The following FBXL17 variants were observed in gnomAD, a reference collection of about 807,000 sequenced individuals.
The protein encoded by FBXL17 is F-box/LRR-repeat protein 17.
Under a neutral mutation model 66.2 loss-of-function variants are expected in FBXL17, and 22 were observed. The observed-to-expected ratio is 0.33, with a 90% CI of 0.24 to 0.47. The LOEUF (loss-of-function observed/expected upper bound fraction) is 0.47, where lower values mean the gene tolerates loss of function less well. Ranked by LOEUF, FBXL17 falls within the 20% of genes least tolerant of loss-of-function variation. The probability of loss-of-function intolerance (pLI) is 1.00; values close to 1 mark genes in which losing one functional copy is unlikely to be tolerated. For synonymous variants in FBXL17, 474 were observed against 400.5 expected (o/e 1.18, Z -2.19); for missense variants, 878 against 948.2 (o/e 0.93, Z 0.97).
chr5:107,954,031 A>G (rs1352360316), intron 7 of FBXL17, among the ~76,000 whole-genome samples: 5 of 152,226 alleles, frequency 3.3e-5, no homozygotes, highest in African/African-American at 1.2e-4. Flanking sequence ...TACTCAATAA[A>G]TTCTCACTGT....
At chr5:107,997,963 A>G (rs1002787467) in intron 7 of FBXL17, among the ~76,000 whole-genome samples, 3 of 152,240 alleles carry the variant, frequency 2.0e-5, no homozygotes, top group African/African-American at 7.2e-5. Context: ...GAGTTTTAAC[A>G]CTACAGAAGG....
Position 108,376,156 on chromosome 5 carries a change from C to A in FBXL17, c.993+4543G>T, listed in dbSNP as rs367840892. Among the ~76,000 whole-genome samples the A allele has an allele frequency of 1.7e-4, 26 of 152,302 alleles. No individual in the cohort carries two copies. The East Asian group carries it at 4.4e-3, about 26-fold the overall frequency. ...CCTGAGAAAGAGCATCTACCAATAA[C>A]CCCTAGTTATCATTATACTTAATGG... On this transcript the variant is annotated intron_variant, in intron 1 of 8. Transcript: ENST00000542267.
At chr5:108,301,640 T>C (rs923921403) in intron 4 of FBXL17, among the ~76,000 whole-genome samples, 1 of 151,750 alleles carries the variant, frequency 6.6e-6, no homozygotes, top group African/African-American at 2.4e-5. Context: ...ACTGGACAAA[T>C]AACACTTATT....
rs116029942 is a variant in FBXL17, at chr5:108,049,938, C to T, written c.1746-28937G>A. On this transcript the variant is annotated intron_variant, in intron 6 of 8. Transcript: ENST00000542267. ...AAAATAAAAGGCAGGGATTGGAATCCAAGTCTCTGACAAAACAGACTTCAA... is the reference window on the plus strand; with the variant it reads ...AAAATAAAAGGCAGGGATTGGAATCTAAGTCTCTGACAAAACAGACTTCAA... Among the ~76,000 whole-genome samples the T allele has an allele frequency of 3.6e-3, 551 of 152,246 alleles. 5 individuals are homozygous for T. The highest frequency in any genetic ancestry group is 0.014 in the Middle Eastern group (4 of 294).
intron 8 of FBXL17, among the ~76,000 whole-genome samples, chr5:107,869,547 T>C (rs1385857227): frequency 2.0e-5 from 3 of 152,092 alleles, no homozygotes; most frequent in African/African-American, 7.2e-5. Flanking sequence ...AAAGAGCAGA[T>C]GATATATTGA....
At chr5:108,158,855 G>C (rs900592547) in intron 6 of FBXL17, among the ~76,000 whole-genome samples, 2 of 152,030 alleles carry the variant, frequency 1.3e-5, no homozygotes, top group Non-Finnish European at 2.9e-5. Flanking sequence ...TAAGACAATA[G>C]CATCTGGAAG....
chr5:107,988,366 T>C (rs1242389653), intron 7 of FBXL17, among the ~76,000 whole-genome samples: 1 of 151,992 alleles, frequency 6.6e-6, no homozygotes, highest in Non-Finnish European at 1.5e-5. Context: ...ATTAAAATTT[T>C]TTTTCAATCA....
intron 7 of FBXL17, among the ~76,000 whole-genome samples, chr5:107,959,074 C>A (rs1219402875): frequency 6.6e-6 from 1 of 152,034 alleles, no homozygotes; most frequent in African/African-American, 2.4e-5. Context: ...CATCAGAGGG[C>A]CTTCTCTTAC....
intron 6 of FBXL17, among the ~76,000 whole-genome samples, chr5:108,155,642 G>T (rs1751966621): frequency 6.6e-6 from 1 of 152,164 alleles, no homozygotes; most frequent in South Asian, 2.1e-4. Flanking sequence ...TGCTTAGTAA[G>T]AATTTATTTT....
chr5:108,233,469 T>C (rs1341867902), intron 4 of FBXL17, among the ~76,000 whole-genome samples: 1 of 152,134 alleles, frequency 6.6e-6, no homozygotes, highest in Non-Finnish European at 1.5e-5. Flanking sequence ...AGAGAAAATG[T>C]GACTCAGGAT....
At chr5:108,103,449 T>C (rs1409655891) in intron 6 of FBXL17, among the ~76,000 whole-genome samples, 1 of 152,210 alleles carries the variant, frequency 6.6e-6, no homozygotes, top group Non-Finnish European at 1.5e-5. Flanking sequence ...TTAAAAATAA[T>C]CTTTTGGTCA....
At chr5:108,191,615 T>G (rs1753473192) in intron 5 of FBXL17, among the ~76,000 whole-genome samples, 1 of 152,220 alleles carries the variant, frequency 6.6e-6, no homozygotes, top group Admixed American at 6.5e-5. Flanking sequence ...TTGGCAAATC[T>G]GAGCTATTTT....
At chr5:108,021,711 G>C (rs760692679) in intron 6 of FBXL17, among the ~76,000 whole-genome samples, 2 of 151,350 alleles carry the variant, frequency 1.3e-5, no homozygotes, top group African/African-American at 4.9e-5. Flanking sequence ...ATACAGATTC[G>C]AATGAACTTT....
chr5:108,206,584 A>T (rs941021350), intron 5 of FBXL17, among the ~76,000 whole-genome samples: 4 of 152,082 alleles, frequency 2.6e-5, no homozygotes, highest in Non-Finnish European at 5.9e-5. Context: ...TTGTAACTTG[A>T]CAATCATTTG....
chr5:108,248,696 A>G (rs1580688349), intron 4 of FBXL17, among the ~76,000 whole-genome samples: 1 of 152,302 alleles, frequency 6.6e-6, no homozygotes, highest in South Asian at 2.1e-4. Flanking sequence ...TAATCCTGAA[A>G]GCAGTAAGAT....
chr5:108,092,429 A>G (rs1749221282), intron 6 of FBXL17, among the ~76,000 whole-genome samples: 1 of 151,856 alleles, frequency 6.6e-6, no homozygotes, highest in South Asian at 2.1e-4. Flanking sequence ...CCCGAGTAGG[A>G]ACTATGGTTC....
rs1754581608 is a variant in FBXL17 at position 108,021,093 on chromosome 5, T to C, written c.1746-92A>G. Reference sequence around the variant, plus strand: ...TAGGAAGAGGTCAGTATTTGGTGAATGCCACAGCTTCTTTAATGGTGTTTC... The same window carrying C: ...TAGGAAGAGGTCAGTATTTGGTGAACGCCACAGCTTCTTTAATGGTGTTTC... On this transcript the variant is annotated intron_variant, in intron 6 of 8. Transcript: ENST00000542267. 3 of 829,402 alleles carry C rather than the reference T, an allele frequency of 3.6e-6. No homozygotes were observed. In the Admixed American group the frequency reaches 5.8e-5, roughly 16 times the overall value. The allele number at this position is 829,402 out of a possible 1,614,324, so 51.4% of individuals were successfully genotyped here. A position where few individuals can be genotyped will look rare whatever the true frequency, so the allele number is the denominator to read the frequency against.
At chr5:108,215,849 T>C (rs1251032813) in intron 5 of FBXL17, among the ~76,000 whole-genome samples, 1 of 152,234 alleles carries the variant, frequency 6.6e-6, no homozygotes. Context: ...ATTTAGGTCT[T>C]TGAACCATGT....
chr5:108,081,103 A>T lies in FBXL17; in HGVS notation c.1746-60102T>A, dbSNP rs1644070821. On this transcript the variant is annotated intron_variant, in intron 6 of 8. Transcript: ENST00000542267. ...ATCTGTCATGTCAAACTGACTCTAC[A>T]CTAGAGTCAGTTTGGAATTTGGTAT... 3.9e-5 allele frequency among the ~76,000 whole-genome samples: 6 copies of T among 152,184 alleles called. No homozygotes were observed. The South Asian group carries it at 1.2e-3, about 32-fold the overall frequency.
Sources: allele counts gnomAD v4.1 joint callset (sites outside exome capture counted in the v4.1 genomes callset), GRCh38; gene constraint gnomAD v4.1.1; transcripts MANE v1.5; gene names NCBI Gene and HGNC (gene_info 2026-07-23, HGNC 2026-07-21).